TMTC1: variants seen among roughly 807,000 people sequenced by gnomAD.
The protein encoded by TMTC1 is protein O-mannosyl-transferase TMTC1.
TMTC1 carries 73 observed loss-of-function variants against 104.8 expected under a neutral mutation model. That is an observed-to-expected ratio of 0.70 (90% CI 0.58 to 0.85). TMTC1 has a LOEUF of 0.85. TMTC1 is among the 40% of genes least tolerant of loss of function. TMTC1 has a pLI of 0.00. For missense variants in TMTC1, 1,035 were observed against 1,096.1 expected (o/e 0.94, Z 0.79); for synonymous variants, 434 against 428.7 (o/e 1.01, Z -0.15).
chr12:29,703,605 C>T (rs527869135), intron 5 of TMTC1, among the ~76,000 whole-genome samples: 7 of 152,280 alleles, frequency 4.6e-5, no homozygotes, highest in Admixed American at 3.3e-4. Context: ...TTTTTGCTAA[C>T]AGCAACCACA....
chr12:29,696,704 C>G (rs552662774), intron 5 of TMTC1, among the ~76,000 whole-genome samples: 1 of 152,006 alleles, frequency 6.6e-6, no homozygotes, highest in Non-Finnish European at 1.5e-5. Flanking sequence ...GGACCATTAA[C>G]GTGTCACATC....
intron 5 of TMTC1, among the ~76,000 whole-genome samples, chr12:29,720,910 A>G (rs1329880551): frequency 6.6e-6 from 1 of 152,178 alleles, no homozygotes; most frequent in East Asian, 1.9e-4. Context: ...GTAGTCAAAG[A>G]GAAAACCCTG....
intron 5 of TMTC1, among the ~76,000 whole-genome samples, chr12:29,710,253 GA>G (rs1941864096): frequency 6.6e-6 from 1 of 152,060 alleles, no homozygotes; most frequent in Non-Finnish European, 1.5e-5. Flanking sequence ...GGGTCTGCAG[GA>G]AATCTCCAGG....
At chr12:29,627,975 C>G (rs1204424106) in intron 6 of TMTC1, among the ~76,000 whole-genome samples, 1 of 152,122 alleles carries the variant, frequency 6.6e-6, no homozygotes, top group East Asian at 1.9e-4. Context: ...GAAATATAAC[C>G]AGAGAGAATC....
At chr12:29,525,888 T>A (rs1322757476) in intron 11 of TMTC1, among the ~76,000 whole-genome samples, 2 of 152,238 alleles carry the variant, frequency 1.3e-5, no homozygotes, top group African/African-American at 2.4e-5. Flanking sequence ...GTGAATCAAG[T>A]GCCTTTTATT....
intron 5 of TMTC1, among the ~76,000 whole-genome samples, chr12:29,678,323 T>C (rs1277059233): frequency 6.6e-6 from 1 of 152,232 alleles, no homozygotes. Flanking sequence ...ACACAACTTC[T>C]CTGCTTTGCT....
chr12:29,629,052 G>A (rs190828092), intron 6 of TMTC1, among the ~76,000 whole-genome samples: 5 of 151,838 alleles, frequency 3.3e-5, no homozygotes, highest in Admixed American at 2.6e-4. Context: ...GGGCACGGTG[G>A]CTCACATCTG....
chr12:29,724,833 A>C (rs1320147391), intron 5 of TMTC1, among the ~76,000 whole-genome samples: 1 of 152,180 alleles, frequency 6.6e-6, no homozygotes, highest in African/African-American at 2.4e-5. Flanking sequence ...AGGATCTTTT[A>C]AACTTTACAT....
At chr12:29,644,068 TTTATAGATAAATATAAATATAA>T (rs1323628844) in intron 5 of TMTC1, among the ~76,000 whole-genome samples, 11,296 of 50,546 alleles carry the variant, frequency 0.22, 1,496 homozygotes, top group Middle Eastern at 0.36. Flanking sequence ...AAATATATAA[TTTATAGATAAATATAAATATAA>T]ATATAAATAT....
chr12:29,578,172 G>A (rs1195792037), intron 8 of TMTC1, among the ~76,000 whole-genome samples: 1 of 151,918 alleles, frequency 6.6e-6, no homozygotes, highest in Non-Finnish European at 1.5e-5. Flanking sequence ...AATGGTAAGA[G>A]GAAGTAATAA....
intron 5 of TMTC1, among the ~76,000 whole-genome samples, chr12:29,751,184 T>G (rs1261145117): frequency 2.0e-5 from 3 of 152,056 alleles, no homozygotes; most frequent in Non-Finnish European, 2.9e-5. Context: ...GGTCAAAATA[T>G]CACAAAAAAG....
intron 7 of TMTC1, among the ~76,000 whole-genome samples, chr12:29,597,627 G>GA (rs35882753): frequency 1.4e-3 from 197 of 139,792 alleles, no homozygotes; most frequent in South Asian, 5.3e-3. Flanking sequence ...CATAAAATGT[G>GA]AAAAAAAAAA....
chr12:29,671,835 C>T (rs189405056), intron 5 of TMTC1, among the ~76,000 whole-genome samples: 11 of 152,168 alleles, frequency 7.2e-5, no homozygotes, highest in Non-Finnish European at 1.5e-4. Context: ...AGGGAAGCTG[C>T]GGGAAAGACC....
chr12:29,617,084 C>A (rs1565712688), intron 6 of TMTC1, among the ~76,000 whole-genome samples: 1 of 151,982 alleles, frequency 6.6e-6, no homozygotes, highest in Non-Finnish European at 1.5e-5. Context: ...CCTACATATT[C>A]CCTACATATT....
chr12:29,650,634 C>CT (rs1362112622), intron 5 of TMTC1, among the ~76,000 whole-genome samples: 1 of 152,136 alleles, frequency 6.6e-6, no homozygotes, highest in African/African-American at 2.4e-5. Flanking sequence ...GTATAAATAA[C>CT]TAAGTGTACA....
intron 5 of TMTC1, among the ~76,000 whole-genome samples, chr12:29,713,582 A>G (rs1190048783): frequency 1.3e-5 from 2 of 152,124 alleles, no homozygotes; most frequent in Non-Finnish European, 2.9e-5. Context: ...ACTATCACAT[A>G]TCACCACCGA....
At position 29,644,072 on chromosome 12, in the gene TMTC1, T is replaced by TATATAA. The variant is rs1220122961; in HGVS notation, c.939-10737_939-10736insTTATAT. 1.1e-3 allele frequency among the ~76,000 whole-genome samples: 30 copies of TATATAA among 27,422 alleles called. 2 individuals are homozygous for TATATAA. The highest frequency in any genetic ancestry group is 4.1e-3 in the African/African-American group (28 of 6,826). 18.0% of individuals were successfully genotyped at this position (27,422 alleles called of 152,430 possible). A position where few individuals can be genotyped will look rare whatever the true frequency, so the allele number is the denominator to read the frequency against. On this transcript the variant is annotated intron_variant, in intron 5 of 17. Coordinates refer to ENST00000539277, the MANE Select transcript of TMTC1 (RefSeq NM_001193451.2). ...TATATAAATATAAATATATAATTTATAGATAAATATAAATATAAATATAAA... is the reference window on the plus strand; with the variant it reads ...TATATAAATATAAATATATAATTTATATATAAAGATAAATATAAATATAAATATAAA...
intron 5 of TMTC1, among the ~76,000 whole-genome samples, chr12:29,699,928 C>T (rs1316682369): frequency 6.6e-6 from 1 of 152,140 alleles, no homozygotes; most frequent in East Asian, 1.9e-4. Flanking sequence ...AGGCATAAGC[C>T]ACCATGCCTT....
chr12:29,587,364 C>T (rs1946166495), intron 7 of TMTC1, among the ~76,000 whole-genome samples: 1 of 151,678 alleles, frequency 6.6e-6, no homozygotes, highest in African/African-American at 2.4e-5. Context: ...GACAGGGACT[C>T]ACTTTGTCTC....
Sources: gnomAD v4.1 joint callset for allele counts (sites outside exome capture counted in the v4.1 genomes callset) on GRCh38, gnomAD v4.1.1 for gene constraint, MANE v1.5 for transcripts, NCBI Gene and HGNC (gene_info 2026-07-23, HGNC 2026-07-21) for gene names.